The following SPHK2 variants were observed in gnomAD, a reference collection of about 807,000 sequenced individuals.
The protein encoded by SPHK2 is sphingosine kinase 2.
SPHK2 carries 18 observed loss-of-function variants against 32.3 expected under a neutral mutation model. The observed-to-expected ratio is 0.56, with a 90% confidence interval of 0.39 to 0.83. SPHK2 has a LOEUF of 0.83. Ranked by LOEUF, SPHK2 falls within the 40% of genes least tolerant of loss-of-function variation. SPHK2 has a pLI of 0.00. For synonymous variants in SPHK2, 462 were observed against 417.6 expected (o/e 1.11, Z -1.30); for missense variants, 850 against 908.7 (o/e 0.94, Z 0.83).
intron 3 of SPHK2, among the ~76,000 whole-genome samples, chr19:48,627,486 G>C (rs556534512): frequency 8.7e-4 from 132 of 152,340 alleles, no homozygotes; most frequent in African/African-American, 3.1e-3. Context: ...GGGGACAAAG[G>C]GCATTTGGTT....
Position 48,628,631 on chromosome 19 carries a change from C to T in SPHK2, c.873-50C>T. 1 of 1,590,950 alleles carries T rather than the reference C, an allele frequency of 6.3e-7. No homozygotes were observed. Among genetic ancestry groups the T allele is most frequent in the Non-Finnish European group, 8.5e-7 (1 of 1,171,434 alleles). On this transcript the variant is annotated intron_variant, in intron 6 of 6. Transcript: ENST00000245222. This position sits in a 1 kb window ranked among gnomAD's most constrained non-coding sequence, Gnocchi z 5.2. ...CTTTCCTACCTGTCTCTTTCCCCAA[C>T]CCCTGTTTGCTCCTTCCTTCTGTGT...
chr19:48,629,942 G>A lies in SPHK2; in HGVS notation c.*169G>A. On this transcript the variant is annotated 3_prime_UTR_variant, in exon 7 of 7. Coordinates refer to ENST00000245222, the MANE Select transcript of SPHK2 (RefSeq NM_020126.5). ...CCAGACGTGATGCTGGAAGGTGGGC[G>A]TCGTCACGGTTAAAGAGAAATGGGC... The A allele has an allele frequency of 3.5e-6, 5 of 1,417,140 alleles. No homozygotes were observed. Among genetic ancestry groups the A allele is most frequent in the African/African-American group, 1.4e-5 (1 of 69,594 alleles). 87.8% of individuals were successfully genotyped at this position (1,417,140 alleles called of 1,614,324 possible).
In SPHK2 at chr19:48,626,250, C is replaced by T. The variant is rs1315481026; in HGVS notation, c.399C>T (p.Arg133=). 1.1e-5 allele frequency: 17 copies of T among 1,595,708 alleles called. No homozygotes were observed. The highest frequency in any genetic ancestry group is 1.4e-5 in the Non-Finnish European group (17 of 1,177,752). The change falls in exon 3 of 7, where the codon CGC becomes CGT. Residue 133 remains arginine (R), a synonymous_variant. Transcript: ENST00000245222. ...GCGGGGCCCGGCGCAGAGCCACTCGCACCTTCCGGGCAGATGGGGCCGCCA... is the reference window on the plus strand; with the variant it reads ...GCGGGGCCCGGCGCAGAGCCACTCGTACCTTCCGGGCAGATGGGGCCGCCA... ...GRRGARRRAT[R]TFRADGAATY... is the part of the protein sequence containing the mutation.
chr19:48,629,616 C>T lies in SPHK2; in HGVS notation c.1808C>T (p.Ala603Val). The T allele has an allele frequency of 1.3e-6, 2 of 1,598,760 alleles. No individual in the cohort carries two copies. Among genetic ancestry groups the T allele is most frequent in the South Asian group, 1.1e-5 (1 of 89,224 alleles). ...CTGGGCTGTCCGCAGCTGGGCTACG[C>T]CGCGGCCCGTGCCTTCCGCCTAGAG... ...FSLGCPQLGY[A>V]AARAFRLEPL... The change falls in exon 7 of 7, where the codon GCC (alanine) becomes GTC (valine). Residue 603 changes from alanine to valine, a missense_variant. By Grantham distance (64) the Ala-to-Val change is moderately conservative. Transcript: ENST00000245222.
chr19:48,625,245 G>A, intron 2 of SPHK2: 1 of 1,067,494 alleles, frequency 9.4e-7, no homozygotes. Flanking sequence ...CTTTCTCGTT[G>A]GGGTGAAAAA....
At chr19:48,625,399 G>A (rs1413954288) in intron 2 of SPHK2, 5 of 1,178,194 alleles carry the variant, frequency 4.2e-6, no homozygotes, top group Non-Finnish European at 5.3e-6. Flanking sequence ...CACCGTATGG[G>A]GGGTGGGGGT....
Position 48,628,338 on chromosome 19 carries a change from T to C in SPHK2, c.872+61T>C, listed in dbSNP as rs776805126. 5.5e-6 allele frequency: 8 copies of C among 1,451,832 alleles called. No individual in the cohort carries two copies. Among genetic ancestry groups the C allele is most frequent in the African/African-American group, 1.4e-5 (1 of 71,966 alleles). The allele number at this position is 1,451,832 out of a possible 1,614,324, so 89.9% of individuals were successfully genotyped here. ...CCTCCTGGGGTGATAGGGACCCCTA[T>C]ATCTCCCACTCAGCCAAACCCACAG... On this transcript the variant is annotated intron_variant, in intron 6 of 6. Coordinates refer to ENST00000245222, the MANE Select transcript of SPHK2 (RefSeq NM_020126.5). This position sits in a 1 kb window ranked among gnomAD's most constrained non-coding sequence, Gnocchi z 5.2.
Position 48,619,533 on chromosome 19 carries a change from C to T in SPHK2, c.-124C>T, listed in dbSNP as rs1355496850. On this transcript the variant is annotated 5_prime_UTR_variant, in exon 1 of 7. Coordinates refer to ENST00000245222, the MANE Select transcript of SPHK2 (RefSeq NM_020126.5). ...TGGCTCCCGGAGGACCCGGCGGGCCCAGTGTTGGAGGTGAGGAGGCGGGGC... is the reference window on the plus strand; with the variant it reads ...TGGCTCCCGGAGGACCCGGCGGGCCTAGTGTTGGAGGTGAGGAGGCGGGGC... The T allele has an allele frequency of 7.3e-6, 2 of 273,112 alleles. No homozygotes were observed. Among genetic ancestry groups the T allele is most frequent in the South Asian group, 9.6e-5 (2 of 20,922 alleles). 16.9% of individuals were successfully genotyped at this position (273,112 alleles called of 1,614,324 possible).
In SPHK2 at chr19:48,625,952, C is replaced by A. The variant is rs1278461105; in HGVS notation, c.101C>A (p.Ala34Asp). ...GGGCCTAGGAGCACCCTGGTCAGGG[C>A]TAAGGCCATGGCCCCGCCCCCACCG... is the stretch of plus-strand genomic sequence containing the variant. The part of the protein sequence containing the change: ...GHGPRSTLVR[A>D]KAMAPPPPPL... The change falls in exon 3 of 7, where the codon GCT becomes GAT. Residue 34 changes from alanine (A) to aspartate (D), a missense_variant. This residue lies in a region of SPHK2 where 544 missense variants were observed against 640.0 expected (regional missense o/e 0.85). Transcript: ENST00000245222. The A allele has an allele frequency of 6.2e-7, 1 of 1,612,230 alleles. No individual in the cohort carries two copies. The highest frequency in any genetic ancestry group is 1.1e-5 in the South Asian group (1 of 90,968).
In SPHK2 at chr19:48,630,144, T is replaced by TG; in HGVS notation, c.*375dup. ...ATGACAGGACCTGGAATGTACTGGC[T>TG]GGGGTAGGCCTCAGTGAGTCGGCCG... On this transcript the variant is annotated 3_prime_UTR_variant, in exon 7 of 7. Transcript: ENST00000245222. This position sits in a 1 kb window ranked among gnomAD's most constrained non-coding sequence, Gnocchi z 4.9. The TG allele has an allele frequency of 2.4e-6, 3 of 1,252,384 alleles. No homozygotes were observed. The highest frequency in any genetic ancestry group is 3.0e-6 in the Non-Finnish European group (3 of 996,438). 77.6% of individuals were successfully genotyped at this position (1,252,384 alleles called of 1,614,324 possible).
chr19:48,624,921 G>C, intron 2 of SPHK2: 1 of 986,204 alleles, frequency 1.0e-6, no homozygotes, highest in Non-Finnish European at 1.2e-6. Context: ...AATGTGAGGG[G>C]CAGGACTGGC....
At chr19:48,622,359 C>A (rs1383810997) in intron 2 of SPHK2, among the ~76,000 whole-genome samples, 2 of 151,974 alleles carry the variant, frequency 1.3e-5, no homozygotes, top group Admixed American at 6.6e-5. Flanking sequence ...CTTACACATT[C>A]TTTAATTTCT....
Position 48,627,996 on chromosome 19 carries a change from A to G in SPHK2, c.683A>G (p.Glu228Gly). Reference protein sequence around the residue: ...IQTERQNHARELVQGLSLSEW... With the variant: ...IQTERQNHARGLVQGLSLSEW... ...TCAGAACGACAGAACCACGCCCGGG[A>G]GCTGGTCCAGGGGCTGAGCCTGAGT... is the stretch of plus-strand genomic sequence containing the variant. Residue 228 changes from glutamate (E) to glycine (G), a missense_variant, in exon 5 of 7, where the codon GAG becomes GGG. Around this residue, in one of 2 missense-constraint regions of SPHK2, gnomAD observed 544 missense variants for 640.0 expected, o/e 0.85. Coordinates refer to ENST00000245222, the MANE Select transcript of SPHK2 (RefSeq NM_020126.5). 1 of 1,590,050 alleles carries G rather than the reference A, an allele frequency of 6.3e-7. No individual in the cohort carries two copies. The highest frequency in any genetic ancestry group is 1.1e-5 in the South Asian group (1 of 89,164).
chr19:48,628,349 C>A lies in SPHK2; in HGVS notation c.872+72C>A. 1.5e-6 allele frequency: 2 copies of A among 1,374,112 alleles called. No individual in the cohort carries two copies. The highest frequency in any genetic ancestry group is 1.2e-5 in the South Asian group (1 of 86,058). The allele number at this position is 1,374,112 out of a possible 1,614,324, so 85.1% of individuals were successfully genotyped here. ...GATAGGGACCCCTATATCTCCCACT[C>A]AGCCAAACCCACAGTCAGTCAAGTA... On this transcript the variant is annotated intron_variant, in intron 6 of 6. Transcript: ENST00000245222. The surrounding 1 kb of genome is among the most constrained non-coding windows in gnomAD (Gnocchi z 5.2).
At position 48,626,372 on chromosome 19, in the gene SPHK2, T is replaced by A; in HGVS notation, c.511+10T>A. On this transcript the variant is annotated intron_variant, in intron 3 of 6. Coordinates refer to ENST00000245222, the MANE Select transcript of SPHK2 (RefSeq NM_020126.5). ...CTGCCCGGGGATGGGGGTGAGGTGCTGGGCAGCTGCTCTATCCTGGAGCCA... is the reference window on the plus strand; with the variant it reads ...CTGCCCGGGGATGGGGGTGAGGTGCAGGGCAGCTGCTCTATCCTGGAGCCA... The A allele has an allele frequency of 6.4e-7, 1 of 1,563,696 alleles. No homozygotes were observed. The highest frequency in any genetic ancestry group is 8.6e-7 in the Non-Finnish European group (1 of 1,165,004).
rs1171451018 is a variant in SPHK2, at chr19:48,626,289, C to T, written c.438C>T (p.Asn146=). 4 of 1,594,832 alleles carry T rather than the reference C, an allele frequency of 2.5e-6. No homozygotes were observed. The highest frequency in any genetic ancestry group is 1.6e-4 in the Middle Eastern group (1 of 6,070). ...RADGAATYEE[N]RAEAQRWATA... is the part of the protein sequence containing the mutation. ...ATGGGGCCGCCACCTACGAAGAGAA[C>T]CGTGCCGAGGCCCAGCGCTGGGCCA... is the stretch of plus-strand genomic sequence containing the variant. Residue 146 remains asparagine (N), a synonymous_variant, in exon 3 of 7, where the codon AAC becomes AAT. Transcript: ENST00000245222.
intron 2 of SPHK2, chr19:48,623,815 T>TGG (rs1455796838): frequency 6.6e-6 from 1 of 152,374 alleles, no homozygotes; most frequent in Non-Finnish European, 1.5e-5. Flanking sequence ...CTTGTATCCT[T>TGG]ACCTTGCACA....
chr19:48,627,846 G>T lies in SPHK2; in HGVS notation c.661+5G>T, dbSNP rs368491745. 6.2e-7 allele frequency: 1 copy of T among 1,607,194 alleles called. No homozygotes were observed. Among genetic ancestry groups the T allele is most frequent in the East Asian group, 2.2e-5 (1 of 44,838 alleles). On this transcript the variant is annotated splice_donor_5th_base_variant and intron_variant, in intron 4 of 6. Coordinates refer to ENST00000245222, the MANE Select transcript of SPHK2 (RefSeq NM_020126.5). ...CCTTCAACCTCATCCAGACAGGTAAGGGCCAGTGAGAATGGGAGCTGGGGG... is the reference window on the plus strand; with the variant it reads ...CCTTCAACCTCATCCAGACAGGTAATGGCCAGTGAGAATGGGAGCTGGGGG...
chr19:48,629,614 C>A lies in SPHK2; in HGVS notation c.1806C>A (p.Tyr602Ter), dbSNP rs758631773. Residue 602 changes from tyrosine to a stop codon, truncating the protein, a stop_gained, in exon 7 of 7, where the codon TAC becomes TAA. Transcript: ENST00000245222. LOFTEE classifies it high-confidence loss of function. ...GCCTGGGCTGTCCGCAGCTGGGCTA[C>A]GCCGCGGCCCGTGCCTTCCGCCTAG... ...HFSLGCPQLG[Y>*]AAARAFRLEP... 6.3e-7 allele frequency: 1 copy of A among 1,597,706 alleles called. No individual in the cohort carries two copies. Among genetic ancestry groups the A allele is most frequent in the South Asian group, 1.1e-5 (1 of 89,106 alleles).
Sources: gnomAD v4.1 joint callset for allele counts (sites outside exome capture counted in the v4.1 genomes callset) on GRCh38, gnomAD v4.1.1 for gene constraint, gnomAD v4.1.1 regional missense constraint, Gnocchi (gnomAD v3.1) non-coding constraint, MANE v1.5 for transcripts, NCBI Gene and HGNC (gene_info 2026-07-23, HGNC 2026-07-21) for gene names.